The following METTL15 variants were observed in gnomAD, a reference collection of about 807,000 sequenced individuals.
The protein encoded by METTL15 is methyltransferase 15, mitochondrial 12S rRNA N4-cytidine.
In METTL15, 34 loss-of-function variants were observed where a neutral mutation model predicts 38.3. That is an observed-to-expected ratio of 0.89 (90% CI 0.68 to 1.18). The LOEUF is 1.18. METTL15 is among the 50% of genes most tolerant of loss of function. METTL15 has a pLI of 0.00. For synonymous variants in METTL15, 162 were observed against 170.9 expected (o/e 0.95, Z 0.41); for missense variants, 438 against 498.4 (o/e 0.88, Z 1.15).
At chr11:28,501,123 T>C (rs1564949251) in intron 6 of METTL15, among the ~76,000 whole-genome samples, 1 of 152,150 alleles carries the variant, frequency 6.6e-6, no homozygotes, top group Non-Finnish European at 1.5e-5. Context: ...GTAATAGACA[T>C]CCTAAATAGA....
intron 3 of METTL15, among the ~76,000 whole-genome samples, chr11:28,340,410 T>G (rs1442856399): frequency 6.6e-6 from 1 of 152,120 alleles, no homozygotes; most frequent in African/African-American, 2.4e-5. Context: ...GGGAGAAAAG[T>G]TTTGCAATCT....
At chr11:28,295,204 A>G (rs970476633) in intron 5 of METTL15, among the ~76,000 whole-genome samples, 4 of 152,128 alleles carry the variant, frequency 2.6e-5, no homozygotes, top group African/African-American at 7.2e-5. Context: ...CTGTTTTACA[A>G]TTGTGTGCAC....
At chr11:28,220,596 C>A (rs967710257) in intron 4 of METTL15, among the ~76,000 whole-genome samples, 2 of 152,020 alleles carry the variant, frequency 1.3e-5, no homozygotes, top group Non-Finnish European at 2.9e-5. Flanking sequence ...GAATTTGATC[C>A]CGTCATTATG....
At chr11:28,447,525 T>C (rs1352099065) in intron 6 of METTL15, among the ~76,000 whole-genome samples, 1 of 152,170 alleles carries the variant, frequency 6.6e-6, no homozygotes, top group Non-Finnish European at 1.5e-5. Flanking sequence ...TCCTTTTTTT[T>C]TCCCACAGTT....
chr11:28,481,491 G>A (rs569810890), intron 6 of METTL15, among the ~76,000 whole-genome samples: 28 of 152,306 alleles, frequency 1.8e-4, no homozygotes, highest in Admixed American at 3.9e-4. Flanking sequence ...CACACTGAAC[G>A]TCCCTGCAAA....
chr11:28,354,679 G>A (rs1432954655), intron 4 of METTL15, among the ~76,000 whole-genome samples: 1 of 152,052 alleles, frequency 6.6e-6, no homozygotes, highest in African/African-American at 2.4e-5. Flanking sequence ...GAAAGGTCAG[G>A]GCAGTGAATA....
Position 28,330,888 on chromosome 11 carries a change from A to T in METTL15, c.*47A>T. 7.2e-7 allele frequency: 1 copy of T among 1,389,366 alleles called. No homozygotes were observed. The highest frequency in any genetic ancestry group is 9.7e-7 in the Non-Finnish European group (1 of 1,030,108). The allele number at this position is 1,389,366 out of a possible 1,614,324, so 86.1% of individuals were successfully genotyped here. ...AAATTTTTTTCTCACAATTTCTCTA[A>T]TCTTTACTCATGTTATGTCCCTGAA... On this transcript the variant is annotated 3_prime_UTR_variant, in exon 7 of 7. Coordinates refer to ENST00000407364, the MANE Select transcript of METTL15 (RefSeq NM_001113528.2).
intron 5 of METTL15, among the ~76,000 whole-genome samples, chr11:28,383,386 T>C (rs1399834841): frequency 6.6e-6 from 1 of 152,214 alleles, no homozygotes; most frequent in African/African-American, 2.4e-5. Flanking sequence ...TTGAGTTTGA[T>C]TCTACATCTT....
chr11:28,121,816 G>C (rs983671367), intron 3 of METTL15, among the ~76,000 whole-genome samples: 3 of 151,836 alleles, frequency 2.0e-5, no homozygotes, highest in African/African-American at 7.3e-5. Context: ...TTTATGATAA[G>C]CTTTATGTTT....
chr11:28,151,259 C>T (rs907639125), intron 3 of METTL15, among the ~76,000 whole-genome samples: 1 of 151,768 alleles, frequency 6.6e-6, no homozygotes, highest in African/African-American at 2.4e-5. Context: ...TTATTATTCA[C>T]CCCTCTCCCT....
chr11:28,212,733 G>A (rs540753800), intron 4 of METTL15, among the ~76,000 whole-genome samples: 6 of 152,272 alleles, frequency 3.9e-5, no homozygotes, highest in East Asian at 1.9e-4. Context: ...ACAGATGCAC[G>A]TGTCTTTTTT....
chr11:28,346,342 G>A (rs952953970), intron 3 of METTL15, among the ~76,000 whole-genome samples: 2 of 152,148 alleles, frequency 1.3e-5, no homozygotes, highest in African/African-American at 2.4e-5. Flanking sequence ...GTTAATAAAT[G>A]TAAATAAGAT....
rs560287039 is a variant in METTL15, at chr11:28,122,065, T to C, written c.270+8461T>C. The C allele has an allele frequency of 3.0e-4, 246 of 829,778 alleles. No individual in the cohort carries two copies. In the African/African-American group the frequency reaches 4.4e-3, roughly 15 times the overall value. The allele number at this position is 829,778 out of a possible 1,614,324, so 51.4% of individuals were successfully genotyped here. A position where few individuals can be genotyped will look rare whatever the true frequency, so the allele number is the denominator to read the frequency against. ...TGATATTTTTAGTTAATAAAAGTTA[T>C]AGTTTATTAAAACTGTAATGTGTAT... On this transcript the variant is annotated intron_variant, in intron 3 of 6. Transcript: ENST00000407364.
intron 6 of METTL15, among the ~76,000 whole-genome samples, chr11:28,518,895 G>A (rs1851741305): frequency 6.6e-6 from 1 of 152,134 alleles, no homozygotes; most frequent in Non-Finnish European, 1.5e-5. Flanking sequence ...TACATCAGAG[G>A]GATATATAAC....
intron 4 of METTL15, among the ~76,000 whole-genome samples, chr11:28,262,303 A>T (rs556910127): frequency 1.3e-5 from 2 of 151,402 alleles, no homozygotes; most frequent in East Asian, 3.9e-4. Context: ...GTATATATAC[A>T]TATATATGAC....
chr11:28,377,265 G>C (rs550231317), intron 5 of METTL15, among the ~76,000 whole-genome samples: 630 of 150,786 alleles, frequency 4.2e-3, no homozygotes, highest in Non-Finnish European at 6.0e-3. Flanking sequence ...TTTCCAACTT[G>C]GTTCCATTCT....
intron 5 of METTL15, among the ~76,000 whole-genome samples, chr11:28,421,893 C>G (rs1228549927): frequency 1.5e-4 from 23 of 152,050 alleles, no homozygotes. Flanking sequence ...AGGAATAAGT[C>G]CAGTTATCCT....
chr11:28,260,872 A>G (rs960093706), intron 4 of METTL15, among the ~76,000 whole-genome samples: 3 of 152,286 alleles, frequency 2.0e-5, no homozygotes, highest in African/African-American at 4.8e-5. Context: ...AGCCATAACC[A>G]TAGGCTGTAG....
intron 5 of METTL15, among the ~76,000 whole-genome samples, chr11:28,412,635 G>A (rs952272886): frequency 6.6e-6 from 1 of 151,912 alleles, no homozygotes; most frequent in Non-Finnish European, 1.5e-5. Context: ...TAAACCAAAC[G>A]CAGAAAGAAA....
Sources: gnomAD v4.1 joint callset for allele counts (sites outside exome capture counted in the v4.1 genomes callset) on GRCh38, gnomAD v4.1.1 for gene constraint, MANE v1.5 for transcripts, NCBI Gene and HGNC (gene_info 2026-07-23, HGNC 2026-07-21) for gene names.